TPRN: variants seen among roughly 807,000 people sequenced by gnomAD.
TPRN encodes the protein chromosome 9 open reading frame 75.
TPRN carries 32 observed loss-of-function variants against 42.6 expected under a neutral mutation model. The observed-to-expected ratio is 0.75, with a 90% confidence interval of 0.57 to 1.01. The LOEUF (loss-of-function observed/expected upper bound fraction) is 1.01, where lower values mean the gene tolerates loss of function less well. Among genes scored for constraint, TPRN ranks in the 50% least tolerant of loss-of-function variants. The pLI, the probability that TPRN is intolerant of heterozygous loss-of-function variation, is 0.00. For missense variants in TPRN, 1,095 were observed against 957.5 expected (o/e 1.14, Z -1.90); for synonymous variants, 541 against 445.6 (o/e 1.21, Z -2.70).
chr9:137,200,042 C>A lies in TPRN; in HGVS notation c.670G>T (p.Gly224Trp). 7.0e-7 allele frequency: 1 copy of A among 1,436,778 alleles called. No individual in the cohort carries two copies. The highest frequency in any genetic ancestry group is 9.1e-7 in the Non-Finnish European group (1 of 1,101,880). 89.0% of individuals were successfully genotyped at this position (1,436,778 alleles called of 1,614,324 possible). Residue 224 changes from glycine to tryptophan, a missense_variant, in exon 1 of 4, where the codon GGG (glycine) becomes TGG (tryptophan). Coordinates refer to ENST00000409012, the MANE Select transcript of TPRN (RefSeq NM_001128228.3). This position sits in a 1 kb window ranked among gnomAD's most constrained non-coding sequence, Gnocchi z 4.3. ...RGAGARLLSNGHSAPEPRAGP... is the reference protein window; with the variant it reads ...RGAGARLLSNWHSAPEPRAGP... ...GCCCGGGGCTCAGGGGCCGAGTGCC[C>A]GTTGGAGAGCAGGCGGGCGCCCGCG...
intron 1 of TPRN, 48 bp downstream of exon 1, chr9:137,198,939 G>C (rs1232238497): frequency 6.2e-7 from 1 of 1,610,336 alleles, no homozygotes; most frequent in African/African-American, 1.3e-5. Flanking sequence ...AGTTCTGTGA[G>C]CTGTCACTCT....
In TPRN at chr9:137,200,720, C is replaced by T; in HGVS notation, c.-9G>A. ...CGCCCCAGGGCGGCCATGCTGCGAA[C>T]GCGGCAGCGGACGGCTGGACTGAGG... On this transcript the variant is annotated 5_prime_UTR_variant, in exon 1 of 4. Transcript: ENST00000409012. This position sits in a 1 kb window ranked among gnomAD's most constrained non-coding sequence, Gnocchi z 4.3. 4.3e-6 allele frequency: 5 copies of T among 1,150,150 alleles called. No individual in the cohort carries two copies. The highest frequency in any genetic ancestry group is 5.3e-6 in the Non-Finnish European group (5 of 935,086). The allele number at this position is 1,150,150 out of a possible 1,614,324, so 71.2% of individuals were successfully genotyped here.
rs943111837 is a variant in TPRN, at chr9:137,191,824, C to A, written c.*288G>T. 31 of 511,852 alleles carry A rather than the reference C, an allele frequency of 6.1e-5. No homozygotes were observed. The highest frequency in any genetic ancestry group is 5.3e-4 in the Middle Eastern group (1 of 1,870). 31.7% of individuals were successfully genotyped at this position (511,852 alleles called of 1,614,324 possible). ...ATGGCCAGGTGCAGAATCTGCACAG[C>A]CCCCTGCCGGGTCGCAGATGGCCAC... On this transcript the variant is annotated 3_prime_UTR_variant, in exon 4 of 4. Coordinates refer to ENST00000409012, the MANE Select transcript of TPRN (RefSeq NM_001128228.3).
At chr9:137,196,267 G>A (rs981176908) in intron 1 of TPRN, among the ~76,000 whole-genome samples, 1 of 152,164 alleles carries the variant, frequency 6.6e-6, no homozygotes, top group Non-Finnish European at 1.5e-5. Flanking sequence ...CCACCCCCAC[G>A]CCCGGGGGTC....
At position 137,192,625 on chromosome 9, in the gene TPRN, C is replaced by T; in HGVS notation, c.1792G>A (p.Glu598Lys). Residue 598 changes from glutamate (E) to lysine (K), a missense_variant, in exon 2 of 4, where the codon GAG (glutamate) becomes AAG (lysine). Physicochemically the swap from Glu to Lys is moderately conservative, Grantham distance 56. Transcript: ENST00000409012. ...TFEYPSESSLEQEEEVDQQEE... is the reference protein window; with the variant it reads ...TFEYPSESSLKQEEEVDQQEE... ...TGCTGGTCCACCTCTTCCTCCTGCT[C>T]TAGGGAGCTCTCGGAAGGGTACTCA... The T allele has an allele frequency of 1.2e-6, 2 of 1,613,880 alleles. No homozygotes were observed. Among genetic ancestry groups the T allele is most frequent in the Non-Finnish European group, 1.7e-6 (2 of 1,180,000 alleles).
At chr9:137,197,750 T>G (rs982829849) in intron 1 of TPRN, among the ~76,000 whole-genome samples, 1 of 151,978 alleles carries the variant, frequency 6.6e-6, no homozygotes, top group Non-Finnish European at 1.5e-5. Flanking sequence ...GACCCCACCT[T>G]GATGGGCTGG....
intron 1 of TPRN, 35 bp downstream of exon 1, chr9:137,198,952 C>T (rs1213016714): frequency 3.1e-6 from 5 of 1,611,690 alleles, no homozygotes; most frequent in Admixed American, 1.7e-5. Flanking sequence ...GTCACTCTCT[C>T]CCTGCCAGCC....
chr9:137,198,986 C>T lies in TPRN; in HGVS notation c.1725+1G>A. 6 of 1,612,880 alleles carry T rather than the reference C, an allele frequency of 3.7e-6. No homozygotes were observed. Among genetic ancestry groups the T allele is most frequent in the Non-Finnish European group, 5.1e-6 (6 of 1,179,958 alleles). ...CCAGTGGCCCTGCCCCCACCACTGA[C>T]CTTCTTTCTTGAGGAGCCAGCCTTG... On this transcript the variant is annotated splice_donor_variant, in intron 1 of 3. Transcript: ENST00000409012. LOFTEE classifies it high-confidence loss of function.
rs1387603545 is a variant in TPRN, at chr9:137,200,571, C to T, written c.141G>A (p.Arg47=). The T allele has an allele frequency of 8.8e-5, 101 of 1,150,600 alleles. No individual in the cohort carries two copies. The highest frequency in any genetic ancestry group is 1.0e-4 in the Non-Finnish European group (98 of 939,472). The allele number at this position is 1,150,600 out of a possible 1,614,324, so 71.3% of individuals were successfully genotyped here. Residue 47 remains arginine, a synonymous_variant, in exon 1 of 4, where the codon CGG becomes CGA. Coordinates refer to ENST00000409012, the MANE Select transcript of TPRN (RefSeq NM_001128228.3). This position sits in a 1 kb window ranked among gnomAD's most constrained non-coding sequence, Gnocchi z 4.3. The part of the protein sequence containing the change: ...AGPGAAEPEQ[R]VLAESLGPLR... The stretch of plus-strand genomic sequence containing the variant: ...GCGGGCCCAGGCTCTCGGCCAGCAC[C>T]CGCTGCTCGGGCTCCGCCGCCCCGG...
rs1254390346 is a variant in TPRN, at chr9:137,200,291, C to A, written c.421G>T (p.Asp141Tyr). Residue 141 changes from aspartate (D) to tyrosine (Y), a missense_variant, in exon 1 of 4, where the codon GAC becomes TAC. Transcript: ENST00000409012. This position sits in a 1 kb window ranked among gnomAD's most constrained non-coding sequence, Gnocchi z 4.3. ...GRVSRLLERF[D>Y]PPAAPRRRGS... ...CGGCGGCGCGGCGCGGCGGGCGGGT[C>A]GAACCTCTCCAGTAGGCGGCTGACG... 2 of 988,372 alleles carry A rather than the reference C, an allele frequency of 2.0e-6. No homozygotes were observed. Among genetic ancestry groups the A allele is most frequent in the African/African-American group, 1.8e-5 (1 of 55,448 alleles). 61.2% of individuals were successfully genotyped at this position (988,372 alleles called of 1,614,324 possible).
At chr9:137,192,230 C>T in intron 3 of TPRN, 29 bp downstream of exon 3, 2 of 1,613,258 alleles carry the variant, frequency 1.2e-6, no homozygotes, top group Non-Finnish European at 1.7e-6. Flanking sequence ...GTCAGACTCC[C>T]CCCAGCGCTC....
chr9:137,200,250 G>T lies in TPRN; in HGVS notation c.462C>A (p.Arg154=). 1.0e-6 allele frequency: 1 copy of T among 974,890 alleles called. No homozygotes were observed. Among genetic ancestry groups the T allele is most frequent in the Non-Finnish European group, 1.2e-6 (1 of 824,238 alleles). The allele number at this position is 974,890 out of a possible 1,614,324, so 60.4% of individuals were successfully genotyped here. A position where few individuals can be genotyped will look rare whatever the true frequency, so the allele number is the denominator to read the frequency against. ...AAPRRRGSPE[R]ARPPPPPPPP... Reference sequence around the variant, plus strand: ...GCGGCGGCGGCGGCGGGGGGCGGGCGCGCTCGGGGCTCCCGCGGCGGCGCG... The same window carrying T: ...GCGGCGGCGGCGGCGGGGGGCGGGCTCGCTCGGGGCTCCCGCGGCGGCGCG... Residue 154 remains arginine (R), a synonymous_variant, in exon 1 of 4, where the codon CGC becomes CGA. Coordinates refer to ENST00000409012, the MANE Select transcript of TPRN (RefSeq NM_001128228.3). This position sits in a 1 kb window ranked among gnomAD's most constrained non-coding sequence, Gnocchi z 4.3.
At position 137,199,907 on chromosome 9, in the gene TPRN, T is replaced by C; in HGVS notation, c.805A>G (p.Ser269Gly). Residue 269 changes from serine to glycine, a missense_variant, in exon 1 of 4, where the codon AGT becomes GGT. Transcript: ENST00000409012. ...LHPPPSPGTP[S>G]ATPASPPASA... ...GCAGGGGGTGAGGCTGGAGTGGCAC[T>C]CGGGGTCCCGGGGCTGGGGGGCGGG... The C allele has an allele frequency of 4.0e-6, 4 of 1,004,438 alleles. No individual in the cohort carries two copies. The highest frequency in any genetic ancestry group is 2.6e-6 in the Non-Finnish European group (2 of 768,842). 62.2% of individuals were successfully genotyped at this position (1,004,438 alleles called of 1,614,324 possible).
chr9:137,199,989 G>T lies in TPRN; in HGVS notation c.723C>A (p.Ser241=). The stretch of plus-strand genomic sequence containing the variant: ...GCTTCCACTGTCCCGACCCAGGCGG[G>T]GAGCCCGCGAGGCGGTTGGCAGGGC... ...RAGPANRLAG[S]PPGSGQWKPK... Residue 241 remains serine (S), a synonymous_variant, in exon 1 of 4, where the codon TCC becomes TCA. Coordinates refer to ENST00000409012, the MANE Select transcript of TPRN (RefSeq NM_001128228.3). 6.9e-7 allele frequency: 1 copy of T among 1,446,234 alleles called. No individual in the cohort carries two copies. The highest frequency in any genetic ancestry group is 9.1e-7 in the Non-Finnish European group (1 of 1,104,288). 89.6% of individuals were successfully genotyped at this position (1,446,234 alleles called of 1,614,324 possible).
Position 137,199,056 on chromosome 9 carries a change from G to A in TPRN, c.1656C>T (p.Ile552=), listed in dbSNP as rs368819837. The A allele has an allele frequency of 1.1e-5, 18 of 1,613,182 alleles. No homozygotes were observed. Among genetic ancestry groups the A allele is most frequent in the African/African-American group, 2.7e-5 (2 of 74,936 alleles). The change falls in exon 1 of 4, where the codon ATC becomes ATT. Residue 552 remains isoleucine (I), a synonymous_variant. Coordinates refer to ENST00000409012, the MANE Select transcript of TPRN (RefSeq NM_001128228.3). ...LKKRYPTVHE[I]EVIGGYLALQ... ...GGGCCAGGTAGCCGCCAATCACCTC[G>A]ATCTCATGCACGGTGGGGTAGCGCT...
rs752189182 is a variant in TPRN, at chr9:137,197,638, CA to C, written c.1725+1348del. Among the ~76,000 whole-genome samples, 21 of 152,340 alleles carry C rather than the reference CA, an allele frequency of 1.4e-4. No homozygotes were observed. The East Asian group carries it at 3.1e-3, about 22-fold the overall frequency. ...CCCACTGCCACCTCTGGGGCAAGCC[CA>C]GGAGGTGCCCACCTCACACAGCAGC... On this transcript the variant is annotated intron_variant, in intron 1 of 3. Coordinates refer to ENST00000409012, the MANE Select transcript of TPRN (RefSeq NM_001128228.3).
At chr9:137,192,767 C>G in intron 1 of TPRN, 76 bp from the exon 2 acceptor site, 1 of 1,538,740 alleles carries the variant, frequency 6.5e-7, no homozygotes, top group South Asian at 1.1e-5. Flanking sequence ...AGGTTCAGCC[C>G]TCAGGATGAG....
rs376810326 is a variant in TPRN at position 137,192,572 on chromosome 9, T to TTCCTCCTCCTCCTCCTCC, written c.1827_1844dup (p.Glu616_Glu621dup). 45 of 1,608,424 alleles carry TTCCTCCTCCTCCTCCTCC rather than the reference T, an allele frequency of 2.8e-5. No individual in the cohort carries two copies. The Middle Eastern group carries it at 1.8e-3, about 65-fold the overall frequency. ...CGGATCCCTCTTCCTCCTCTTCCTC[T>TTCCTCCTCCTCCTCCTCC]TCCTCCTCCTCCTCCTCCTCCTCCT... On this transcript the variant is annotated inframe_insertion, in exon 2 of 4. Transcript: ENST00000409012.
Position 137,200,635 on chromosome 9 carries a change from T to C in TPRN, c.77A>G (p.Lys26Arg). The change falls in exon 1 of 4, where the codon AAG becomes AGG. Residue 26 changes from lysine to arginine, a missense_variant. Physicochemically the swap from Lys to Arg is conservative, Grantham distance 26. Transcript: ENST00000409012. This position sits in a 1 kb window ranked among gnomAD's most constrained non-coding sequence, Gnocchi z 4.3. ...GCCCAGCGCGGCTAGCTTGGCCCGC[T>C]TCCGCTCCAGGATCTCACGCTTCCA... ...PAWKREILER[K>R]RAKLAALGGG... 2 of 1,200,162 alleles carry C rather than the reference T, an allele frequency of 1.7e-6. No homozygotes were observed. The highest frequency in any genetic ancestry group is 2.1e-6 in the Non-Finnish European group (2 of 963,206). The allele number at this position is 1,200,162 out of a possible 1,614,324, so 74.3% of individuals were successfully genotyped here. A position where few individuals can be genotyped will look rare whatever the true frequency, so the allele number is the denominator to read the frequency against.
Sources: allele counts gnomAD v4.1 joint callset (sites outside exome capture counted in the v4.1 genomes callset), GRCh38; gene constraint gnomAD v4.1.1; non-coding constraint Gnocchi (gnomAD v3.1); transcripts MANE v1.5; gene names NCBI Gene and HGNC (gene_info 2026-07-23, HGNC 2026-07-21).